MUC12: variants seen among roughly 807,000 people sequenced by gnomAD.
The protein encoded by MUC12 is mucin-12.
Under a neutral mutation model 230.8 loss-of-function variants are expected in MUC12, and 172 were observed. The ratio of observed to expected loss-of-function variants is 0.75; its 90% CI spans 0.66 to 0.85. The LOEUF (loss-of-function observed/expected upper bound fraction) is 0.85. Ranked by LOEUF, MUC12 falls within the 40% of genes least tolerant of loss-of-function variation. The pLI, the probability that MUC12 is intolerant of heterozygous loss-of-function variation, is 0.00. For missense variants in MUC12, 3,506 were observed against 5,920.6 expected, an observed-to-expected ratio of 0.59 and a Z score of 13.38; for synonymous variants, 1,259 against 2,401.9, an observed-to-expected ratio of 0.52 and a Z score of 13.91.
rs1425509221 is a variant in MUC12 at position 100,991,157 on chromosome 7, C to A, written c.594C>A (p.Ser198Arg). The change falls in exon 2 of 12, where the codon AGC becomes AGA. Residue 198 changes from serine to arginine, a missense_variant. Ser to Arg is a moderately radical substitution (Grantham distance 110). Transcript: ENST00000536621. Reference sequence around the variant, plus strand: ...GTCAGGAATCTACAGCTTCCCACAGCATCCCCGGCTCCACAGACACAACAC... The same window carrying A: ...GTCAGGAATCTACAGCTTCCCACAGAATCCCCGGCTCCACAGACACAACAC... ...GVSQESTASHSIPGSTDTTLS... is the reference protein window; with the variant it reads ...GVSQESTASHRIPGSTDTTLS... 2.6e-6 allele frequency: 4 copies of A among 1,537,864 alleles called. No individual in the cohort carries two copies. The highest frequency in any genetic ancestry group is 2.0e-5 in the Admixed American group (1 of 50,992).
intron 1 of MUC12, among the ~76,000 whole-genome samples, chr7:100,977,448 C>T (rs1793049902): frequency 6.6e-6 from 1 of 151,586 alleles, no homozygotes; most frequent in South Asian, 2.1e-4. Flanking sequence ...CTCACTGCAA[C>T]CTCTGCCTCC....
At chr7:101,005,659 G>T in intron 2 of MUC12, 140 bp downstream of exon 2, 1 of 1,074,254 alleles carries the variant, frequency 9.3e-7, no homozygotes, top group East Asian at 2.6e-5. Flanking sequence ...CAGTTTCTGG[G>T]TTCGATACCA....
chr7:101,006,861 A>C (rs543163509), intron 3 of MUC12, among the ~76,000 whole-genome samples: 2 of 152,362 alleles, frequency 1.3e-5, no homozygotes, highest in East Asian at 1.9e-4. Flanking sequence ...ACAGGAATGC[A>C]ATATGTAATA....
intron 1 of MUC12, chr7:100,971,967 GT>G (rs1474639165): frequency 1.5e-6 from 1 of 677,720 alleles, no homozygotes; most frequent in Non-Finnish European, 2.7e-6. Context: ...GATAACACAG[GT>G]GAATCCCTTA....
In MUC12 at chr7:100,991,588, C is replaced by T; in HGVS notation, c.1025C>T (p.Thr342Ile). The T allele has an allele frequency of 6.5e-7, 1 of 1,536,992 alleles. No individual in the cohort carries two copies. Among genetic ancestry groups the T allele is most frequent in the Non-Finnish European group, 8.7e-7 (1 of 1,146,442 alleles). The part of the protein sequence containing the change: ...PVHSSPVATA[T>I]TPPPARSATS... ...CACAGCAGCCCAGTTGCAACTGCAA[C>T]AACACCCCCACCTGCCCGCTCCGCG... The change falls in exon 2 of 12, where the codon ACA (threonine) becomes ATA (isoleucine). Residue 342 changes from threonine to isoleucine, a missense_variant. Transcript: ENST00000536621.
intron 1 of MUC12, among the ~76,000 whole-genome samples, chr7:100,977,128 T>C (rs140830687): frequency 6.7e-6 from 1 of 150,364 alleles, no homozygotes; most frequent in Non-Finnish European, 1.5e-5. Context: ...GAGTCAGGAT[T>C]TGAACCTAAG....
Position 101,009,093 on chromosome 7 carries a change from A to G in MUC12, c.15187-2A>G. On this transcript the variant is annotated splice_acceptor_variant, in intron 4 of 11. Coordinates refer to ENST00000536621, the MANE Select transcript of MUC12 (RefSeq NM_001164462.2). LOFTEE classifies it high-confidence loss of function. ...TGACCTTCGCTGCCTTGTTTCTTTCAGATGGATGTCGTTTTGAAGGGCGAC... is the reference window on the plus strand; with the variant it reads ...TGACCTTCGCTGCCTTGTTTCTTTCGGATGGATGTCGTTTTGAAGGGCGAC... 1.3e-6 allele frequency: 2 copies of G among 1,537,794 alleles called. No homozygotes were observed. Among genetic ancestry groups the G allele is most frequent in the Non-Finnish European group, 1.7e-6 (2 of 1,147,022 alleles).
In MUC12 at chr7:101,003,374, G is replaced by T. The variant is rs765203673; in HGVS notation, c.12811G>T (p.Glu4271Ter). ...GSTTASSLGP[E>*]STTFHSSPGS... The stretch of plus-strand genomic sequence containing the variant: ...TACCACAGCATCATCCCTTGGTCCA[G>T]AATCTACTACCTTCCACAGCAGCCC... The change falls in exon 2 of 12, where the codon GAA (glutamate) becomes TAA (stop). Residue 4271 changes from glutamate to a stop codon, truncating the protein, a stop_gained. Transcript: ENST00000536621. LOFTEE classifies it high-confidence loss of function. 6.6e-7 allele frequency: 1 copy of T among 1,523,918 alleles called. No homozygotes were observed. Among genetic ancestry groups the T allele is most frequent in the East Asian group, 2.5e-5 (1 of 40,686 alleles). 94.4% of individuals were successfully genotyped at this position (1,523,918 alleles called of 1,614,324 possible).
Position 100,992,269 on chromosome 7 carries a change from C to G in MUC12, c.1706C>G (p.Thr569Arg), listed in dbSNP as rs1465737022. 7 of 1,537,722 alleles carry G rather than the reference C, an allele frequency of 4.6e-6. No individual in the cohort carries two copies. Among genetic ancestry groups the G allele is most frequent in the African/African-American group, 1.4e-5 (1 of 73,156 alleles). The change falls in exon 2 of 12, where the codon ACA (threonine) becomes AGA (arginine). Residue 569 changes from threonine (T) to arginine (R), a missense_variant. Physicochemically the swap from Thr to Arg is moderately conservative, Grantham distance 71. Transcript: ENST00000536621. Reference sequence around the variant, plus strand: ...ACAACATTGTCCCCTGGCAGTACCACAGCATCATCCCTTGGTCCAGAATAT... The same window carrying G: ...ACAACATTGTCCCCTGGCAGTACCAGAGCATCATCCCTTGGTCCAGAATAT... ...TDTTLSPGSTTASSLGPEYTT... is the reference protein window; with the variant it reads ...TDTTLSPGSTRASSLGPEYTT...
rs573762718 is a variant in MUC12 at position 100,990,796 on chromosome 7, G to A, written c.233G>A (p.Ser78Asn). The A allele has an allele frequency of 3.9e-6, 6 of 1,537,802 alleles. No individual in the cohort carries two copies. In the East Asian group the frequency reaches 7.3e-5, roughly 19 times the overall value. ...GACAGCTCCACAAACTCAGGCCACAGTGAGGAATCAACAGTATCCCACAGC... is the reference window on the plus strand; with the variant it reads ...GACAGCTCCACAAACTCAGGCCACAATGAGGAATCAACAGTATCCCACAGC... ...FLDSSTNSGH[S>N]EESTVSHSGP... Residue 78 changes from serine (S) to asparagine (N), a missense_variant, in exon 2 of 12, where the codon AGT becomes AAT. Ser to Asn is a conservative substitution (Grantham distance 46, BLOSUM62 1). Transcript: ENST00000536621.
intron 5 of MUC12, among the ~76,000 whole-genome samples, chr7:101,009,880 G>A (rs1793814486): frequency 6.6e-6 from 1 of 152,144 alleles, no homozygotes; most frequent in African/African-American, 2.4e-5. Flanking sequence ...TGGGGGAGGA[G>A]GCTGGAAAGA....
rs909118952 is a variant in MUC12 at position 100,969,755 on chromosome 7, C to T, written c.67+66C>T. ...GGGTGGTAATAGTACATGCCCCTGC[C>T]TCAGGCAGCAGGGCTGCAGGTGGCC... On this transcript the variant is annotated intron_variant, in intron 1 of 11. Transcript: ENST00000536621. 4.6e-6 allele frequency: 7 copies of T among 1,531,974 alleles called. No homozygotes were observed. In the African/African-American group the frequency reaches 6.9e-5, roughly 15 times the overall value. 94.9% of individuals were successfully genotyped at this position (1,531,974 alleles called of 1,614,324 possible).
In MUC12 at chr7:101,004,352, G is replaced by T. The variant is rs777795787; in HGVS notation, c.13789G>T (p.Gly4597Cys). ...CTCGCCTGCCCGCTCCACAACCTCA[G>T]GCCTCGTTGAAGAATCTACGGCGTA... is the stretch of plus-strand genomic sequence containing the variant. Reference protein sequence around the residue: ...TPSPARSTTSGLVEESTAYHS... With the variant: ...TPSPARSTTSCLVEESTAYHS... Residue 4597 changes from glycine to cysteine, a missense_variant, in exon 2 of 12, where the codon GGC (glycine) becomes TGC (cysteine). Physicochemically the swap from Gly to Cys is radical, Grantham distance 159 (BLOSUM62 -3). Transcript: ENST00000536621. 7.2e-7 allele frequency: 1 copy of T among 1,386,228 alleles called. No homozygotes were observed. Among genetic ancestry groups the T allele is most frequent in the Non-Finnish European group, 9.5e-7 (1 of 1,047,188 alleles). The allele number at this position is 1,386,228 out of a possible 1,614,324, so 85.9% of individuals were successfully genotyped here.
In MUC12 at chr7:101,004,691, G is replaced by C. The variant is rs770347495; in HGVS notation, c.14128G>C (p.Glu4710Gln). The C allele has an allele frequency of 2.0e-5, 31 of 1,537,738 alleles. No homozygotes were observed. Among genetic ancestry groups the C allele is most frequent in the Non-Finnish European group, 3.5e-6 (4 of 1,147,056 alleles). The stretch of plus-strand genomic sequence containing the variant: ...TTTTACTACCTCAGGCCGCATTGCA[G>C]AATCTACCACCTTCTATATCTCTCC... ...AHFTTSGRIA[E>Q]STTFYISPGS... The change falls in exon 2 of 12, where the codon GAA becomes CAA. Residue 4710 changes from glutamate (E) to glutamine (Q), a missense_variant. By Grantham distance (29) the Glu-to-Gln change is conservative (BLOSUM62 2). Transcript: ENST00000536621.
In MUC12 at chr7:101,005,390, A is replaced by T. The variant is rs199720005; in HGVS notation, c.14827A>T (p.Thr4943Ser). 338 of 1,537,192 alleles carry T rather than the reference A, an allele frequency of 2.2e-4. No individual in the cohort carries two copies. The highest frequency in any genetic ancestry group is 2.0e-4 in the Admixed American group (10 of 50,926). Reference protein sequence around the residue: ...PTTFYISPSPTYTTLFPASSS... With the variant: ...PTTFYISPSPSYTTLFPASSS... ...AACTTTCTACATCAGCCCATCCCCT[A>T]CTTACACAACACTCTTTCCTGCGAG... is the stretch of plus-strand genomic sequence containing the variant. Residue 4943 changes from threonine to serine, a missense_variant, in exon 2 of 12, where the codon ACT becomes TCT. By Grantham distance (58) the Thr-to-Ser change is moderately conservative (BLOSUM62 1). Coordinates refer to ENST00000536621, the MANE Select transcript of MUC12 (RefSeq NM_001164462.2).
chr7:100,980,871 T>C (rs548089589), intron 1 of MUC12, among the ~76,000 whole-genome samples: 112 of 152,202 alleles, frequency 7.4e-4, no homozygotes, highest in Non-Finnish European at 1.2e-3. Flanking sequence ...TGAGCTAAGG[T>C]TGTGCCACTG....
Position 100,991,477 on chromosome 7 carries a change from A to C in MUC12, c.914A>C (p.Tyr305Ser), listed in dbSNP as rs757920990. Residue 305 changes from tyrosine (Y) to serine (S), a missense_variant, in exon 2 of 12, where the codon TAT becomes TCT. Tyr to Ser is a moderately radical substitution (Grantham distance 144, BLOSUM62 -2). Coordinates refer to ENST00000536621, the MANE Select transcript of MUC12 (RefSeq NM_001164462.2). The part of the protein sequence containing the change: ...TSAFVKLSTT[Y>S]HSSPSSTPTT... ...GCCTTTGTTAAACTATCTACAACTT[A>C]TCACAGCAGCCCGAGCTCAACTCCA... 1.1e-5 allele frequency: 17 copies of C among 1,537,480 alleles called. No individual in the cohort carries two copies. In the East Asian group the frequency reaches 2.4e-4, roughly 22 times the overall value.
At chr7:100,977,360 C>T (rs1373417474) in intron 1 of MUC12, among the ~76,000 whole-genome samples, 1 of 133,460 alleles carries the variant, frequency 7.5e-6, no homozygotes, top group Non-Finnish European at 1.6e-5. Flanking sequence ...TCTCTCCTTG[C>T]CTTCTCTAGC....
chr7:101,017,500 C>A, intron 10 of MUC12, 75 bp from the exon 11 acceptor site: 1 of 945,742 alleles, frequency 1.1e-6, no homozygotes, highest in Non-Finnish European at 1.6e-6. Context: ...TTCCTTTTGC[C>A]AGAGGAAATC....
Sources: gnomAD v4.1 joint callset for allele counts (sites outside exome capture counted in the v4.1 genomes callset) on GRCh38, gnomAD v4.1.1 for gene constraint, MANE v1.5 for transcripts, NCBI Gene and HGNC (gene_info 2026-07-23, HGNC 2026-07-21) for gene names.